FBN3: variants seen among roughly 807,000 people sequenced by gnomAD.
FBN3 encodes the protein fibrillin-3.
FBN3 carries 234 observed loss-of-function variants against 330.1 expected under a neutral mutation model. That is an observed-to-expected ratio of 0.71 (90% CI 0.64 to 0.79). The LOEUF (loss-of-function observed/expected upper bound fraction) is 0.79, where lower values mean the gene tolerates loss of function less well. FBN3 is among the 30% of genes least tolerant of loss of function. FBN3 has a pLI of 0.00. For missense variants in FBN3, 3,606 were observed against 3,886.9 expected (o/e 0.93, Z 1.92); for synonymous variants, 1,458 against 1,517.3 (o/e 0.96, Z 0.91).
At chr19:8,082,820 CTTTTG>C (rs2081838319) in intron 57 of FBN3, among the ~76,000 whole-genome samples, 2 of 148,778 alleles carry the variant, frequency 1.3e-5, no homozygotes, top group African/African-American at 2.5e-5. Flanking sequence ...TCTTTCTTTT[CTTTTG>C]TTTTTCATTT....
chr19:8,075,288 C>T lies in FBN3; in HGVS notation c.7577G>A (p.Cys2526Tyr). The change falls in exon 60 of 64, where the codon TGT becomes TAT. Residue 2526 changes from cysteine to tyrosine, a missense_variant. Cys to Tyr is a radical substitution (Grantham distance 194, BLOSUM62 -2). Coordinates refer to ENST00000600128, the MANE Select transcript of FBN3 (RefSeq NM_032447.5). ...CAGCCAAAGCTGGGCTGTACCTTCACAGCCATGGCCTGAGCTGACCAGGGT... is the reference window on the plus strand; with the variant it reads ...CAGCCAAAGCTGGGCTGTACCTTCATAGCCATGGCCTGAGCTGACCAGGGT... ...GFTLVSSGHG[C>Y]EDVNECDGPH... The T allele has an allele frequency of 1.2e-6, 2 of 1,611,344 alleles. No homozygotes were observed. Among genetic ancestry groups the T allele is most frequent in the Non-Finnish European group, 1.7e-6 (2 of 1,178,064 alleles).
intron 26 of FBN3, among the ~76,000 whole-genome samples, chr19:8,117,891 T>C (rs967648162): frequency 2.6e-5 from 4 of 151,410 alleles, no homozygotes; most frequent in Non-Finnish European, 4.4e-5. Flanking sequence ...CACACTCAGA[T>C]ACACACTCAC....
intron 51 of FBN3, 145 bp downstream of exon 51, chr19:8,089,400 A>C: frequency 1.2e-6 from 1 of 809,448 alleles, no homozygotes. Flanking sequence ...TGAAGCACAG[A>C]GGGAGAAAAA....
In FBN3 at chr19:8,123,603, G is replaced by T; in HGVS notation, c.2957-14C>A. 1 of 1,613,534 alleles carries T rather than the reference G, an allele frequency of 6.2e-7. No individual in the cohort carries two copies. The highest frequency in any genetic ancestry group is 1.3e-5 in the African/African-American group (1 of 75,028). ...ATTCATTCACATCTGAAGTACAGGGGCATCAAACCACCCTGACGTCCCCAA... is the reference window on the plus strand; with the variant it reads ...ATTCATTCACATCTGAAGTACAGGGTCATCAAACCACCCTGACGTCCCCAA... On this transcript the variant is annotated splice_polypyrimidine_tract_variant and intron_variant, in intron 23 of 63. Coordinates refer to ENST00000600128, the MANE Select transcript of FBN3 (RefSeq NM_032447.5).
chr19:8,110,432 C>G (rs2082551153), intron 34 of FBN3, among the ~76,000 whole-genome samples: 1 of 152,166 alleles, frequency 6.6e-6, no homozygotes, highest in Non-Finnish European at 1.5e-5. Context: ...TCCGGTCCAC[C>G]ACCTGTTTGT....
At chr19:8,081,177 TC>T in intron 58 of FBN3, 58 bp from the exon 59 acceptor site, 1 of 1,532,032 alleles carries the variant, frequency 6.5e-7, no homozygotes, top group Non-Finnish European at 9.0e-7. Flanking sequence ...ATTAGGGGCT[TC>T]CCAGGGGCTG....
chr19:8,139,733 A>G (rs1291861075), intron 8 of FBN3, among the ~76,000 whole-genome samples: 3 of 151,930 alleles, frequency 2.0e-5, no homozygotes, highest in Non-Finnish European at 4.4e-5. Context: ...CTGCGCCCTC[A>G]AGGTCAATGG....
At chr19:8,134,435 A>G (rs2083229734) in intron 13 of FBN3, among the ~76,000 whole-genome samples, 1 of 152,124 alleles carries the variant, frequency 6.6e-6, no homozygotes, top group Non-Finnish European at 1.5e-5. Flanking sequence ...TGAAGAAGCC[A>G]GGTATGCTGG....
At chr19:8,066,372 G>C in intron 63 of FBN3, 112 bp from the exon 64 acceptor site, 2 of 775,258 alleles carry the variant, frequency 2.6e-6, no homozygotes, top group Non-Finnish European at 2.0e-6. Flanking sequence ...TCTCTAAAGT[G>C]AAGGAAAGAG....
At chr19:8,075,558 A>G (rs1055134539) in intron 59 of FBN3, 147 bp from the exon 60 acceptor site, 6 of 756,248 alleles carry the variant, frequency 7.9e-6, no homozygotes, top group Admixed American at 5.9e-5. Flanking sequence ...TGAGATCTGT[A>G]ACAGTTCCTG....
chr19:8,119,540 G>T (rs189763366), intron 25 of FBN3, among the ~76,000 whole-genome samples: 34 of 152,192 alleles, frequency 2.2e-4, no homozygotes, highest in Admixed American at 2.0e-3. Context: ...TTGAGATGGA[G>T]TCTCGCTCTG....
chr19:8,117,020 TG>T (rs2144865355), intron 28 of FBN3, 148 bp downstream of exon 28: 2 of 1,313,342 alleles, frequency 1.5e-6, no homozygotes, highest in Non-Finnish European at 2.1e-6. Context: ...GCAGCCTGCC[TG>T]GGGCCAGGAC....
rs750873632 is a variant in FBN3, at chr19:8,131,780, G to A, written c.1764C>T (p.Thr588=). 1 of 1,611,594 alleles carries A rather than the reference G, an allele frequency of 6.2e-7. No individual in the cohort carries two copies. ...GGCAGCGGAAGGAGCCCTCGGTGTTGGTACAGTGGCCGTTCACGCAGATGC... is the reference window on the plus strand; with the variant it reads ...GGCAGCGGAAGGAGCCCTCGGTGTTAGTACAGTGGCCGTTCACGCAGATGC... ...TPGICVNGHC[T]NTEGSFRCQC... Residue 588 remains threonine, a synonymous_variant, in exon 15 of 64, where the codon ACC becomes ACT. Coordinates refer to ENST00000600128, the MANE Select transcript of FBN3 (RefSeq NM_032447.5). This position sits in a 1 kb window ranked among gnomAD's most constrained non-coding sequence, Gnocchi z 4.5.
chr19:8,132,908 TCTC>T, intron 14 of FBN3, 73 bp downstream of exon 14: 1 of 1,458,358 alleles, frequency 6.9e-7, no homozygotes, highest in Non-Finnish European at 9.1e-7. Flanking sequence ...GTCCGGTCCC[TCTC>T]CTCTTCCTCG....
In FBN3 at chr19:8,102,529, T is replaced by C. The variant is rs530432759; in HGVS notation, c.5089+195A>G. Among the ~76,000 whole-genome samples the C allele has an allele frequency of 2.0e-4, 31 of 152,242 alleles. No individual in the cohort carries two copies. In the South Asian group the frequency reaches 5.4e-3, roughly 26 times the overall value. On this transcript the variant is annotated intron_variant, in intron 40 of 63. Transcript: ENST00000600128. ...CACCACACCCAGCCAAACCTCTTTT[T>C]CTTTATAAATTACCCAGTATCCAGT...
intron 6 of FBN3, among the ~76,000 whole-genome samples, chr19:8,143,502 T>C (rs544698804): frequency 5.4e-5 from 8 of 148,098 alleles, no homozygotes; most frequent in East Asian, 4.0e-4. Flanking sequence ...CTTTTCTTTT[T>C]TTTTTTTTTT....
chr19:8,110,911 G>T lies in FBN3; in HGVS notation c.4267C>A (p.Pro1423Thr). Residue 1423 changes from proline (P) to threonine (T), a missense_variant, in exon 34 of 64, where the codon CCT (proline) becomes ACT (threonine). By Grantham distance (38) the Pro-to-Thr change is conservative (BLOSUM62 -1). Coordinates refer to ENST00000600128, the MANE Select transcript of FBN3 (RefSeq NM_032447.5). ...TTGCAGATGCAGCGGAACATTCCAG[G>T]CAGGTTCTCACAGCTCCCAAATGCA... Reference protein sequence around the residue: ...LCAFGSCENLPGMFRCICNGG... With the variant: ...LCAFGSCENLTGMFRCICNGG... 1 of 1,614,214 alleles carries T rather than the reference G, an allele frequency of 6.2e-7. No individual in the cohort carries two copies. Among genetic ancestry groups the T allele is most frequent in the Non-Finnish European group, 8.5e-7 (1 of 1,180,040 alleles).
At chr19:8,118,803 C>T in intron 26 of FBN3, 94 bp downstream of exon 26, 1 of 1,473,502 alleles carries the variant, frequency 6.8e-7, no homozygotes, top group Non-Finnish European at 9.3e-7. Context: ...ACATGCCCAC[C>T]CTCTCACTCA....
intron 41 of FBN3, 115 bp downstream of exon 41, chr19:8,100,786 A>G (rs2082310894): frequency 8.5e-6 from 6 of 704,812 alleles, no homozygotes; most frequent in African/African-American, 6.1e-5. Flanking sequence ...AGCGAGGAGG[A>G]GGGGAGGATG....
Sources: allele counts gnomAD v4.1 joint callset (sites outside exome capture counted in the v4.1 genomes callset), GRCh38; gene constraint gnomAD v4.1.1; non-coding constraint Gnocchi (gnomAD v3.1); transcripts MANE v1.5; gene names NCBI Gene and HGNC (gene_info 2026-07-23, HGNC 2026-07-21).